PALLD: variants seen among roughly 807,000 people sequenced by gnomAD.
PALLD encodes palladin.
In PALLD, 61 loss-of-function variants were observed where a neutral mutation model predicts 123.5. The ratio of observed to expected loss-of-function variants is 0.49; its 90% confidence interval spans 0.40 to 0.61. The LOEUF is 0.61. PALLD is among the 20% of genes least tolerant of loss of function. PALLD has a pLI of 0.00. For synonymous variants in PALLD, 465 were observed against 496.4 expected (o/e 0.94, Z 0.84); for missense variants, 1,273 against 1,377.0 (o/e 0.92, Z 1.20).
chr4:168,614,381 G>A (rs76623633), intron 2 of PALLD, among the ~76,000 whole-genome samples: 3,148 of 152,294 alleles, frequency 0.021, 102 homozygotes, highest in African/African-American at 0.072. Flanking sequence ...TCAAGAGAGG[G>A]AGAGAGCAGC....
At chr4:168,711,493 G>A (rs965328428) in intron 9 of PALLD, 88 bp from the exon 10 acceptor site, 10 of 949,752 alleles carry the variant, frequency 1.1e-5, no homozygotes, top group Middle Eastern at 4.1e-4. Context: ...ACACAACACA[G>A]GGATTCTCAG....
intron 21 of PALLD, 47 bp from the exon 22 acceptor site, chr4:168,926,166 C>A (rs1317282302): frequency 2.8e-5 from 39 of 1,401,178 alleles, no homozygotes; most frequent in Non-Finnish European, 3.5e-5. Context: ...AAAGGCTTTC[C>A]AAGTATATCT....
intron 2 of PALLD, chr4:168,536,539 G>A (rs1986417): frequency 0.3 from 45,530 of 152,106 alleles, 7,904 homozygotes; most frequent in East Asian, 0.57. Context: ...GAGGTCTCAG[G>A]AAACTTACAA....
At chr4:168,751,402 G>T (rs1731049277) in intron 10 of PALLD, among the ~76,000 whole-genome samples, 1 of 152,110 alleles carries the variant, frequency 6.6e-6, no homozygotes, top group Non-Finnish European at 1.5e-5. Context: ...TTTAGGTATT[G>T]GGACACACTA....
intron 10 of PALLD, among the ~76,000 whole-genome samples, chr4:168,726,363 T>C (rs1280995063): frequency 6.6e-6 from 1 of 152,220 alleles, no homozygotes; most frequent in Non-Finnish European, 1.5e-5. Context: ...TTTTTCTTAT[T>C]TTGCATTACA....
At chr4:168,819,371 C>T (rs867165219) in intron 10 of PALLD, among the ~76,000 whole-genome samples, 5 of 150,002 alleles carry the variant, frequency 3.3e-5, no homozygotes, top group South Asian at 2.1e-4. Flanking sequence ...GTGATTCCTC[C>T]GGTATAGCTG....
intron 2 of PALLD, among the ~76,000 whole-genome samples, chr4:168,643,716 T>A (rs1321073099): frequency 1.3e-5 from 2 of 152,198 alleles, no homozygotes; most frequent in Non-Finnish European, 2.9e-5. Flanking sequence ...CTGGGAAATA[T>A]AAGCACAGTT....
At chr4:168,745,425 GGA>G (rs202159439) in intron 10 of PALLD, among the ~76,000 whole-genome samples, 1,631 of 102,420 alleles carry the variant, frequency 0.016, 61 homozygotes, top group African/African-American at 0.042. Flanking sequence ...CTGTGAGATG[GGA>G]GGGGGGGGCA....
intron 10 of PALLD, among the ~76,000 whole-genome samples, chr4:168,743,520 A>G (rs1037618322): frequency 2.6e-5 from 4 of 152,044 alleles, no homozygotes; most frequent in Non-Finnish European, 4.4e-5. Flanking sequence ...CCTTTTTTCA[A>G]AATTCCAACT....
intron 2 of PALLD, among the ~76,000 whole-genome samples, chr4:168,568,844 A>G (rs1186169260): frequency 1.3e-5 from 2 of 151,498 alleles, no homozygotes; most frequent in African/African-American, 4.8e-5. Flanking sequence ...AGTACCATGG[A>G]ATGCTTTAAA....
At chr4:168,908,700 C>G (rs1758318087) in intron 15 of PALLD, among the ~76,000 whole-genome samples, 1 of 152,020 alleles carries the variant, frequency 6.6e-6, no homozygotes, top group South Asian at 2.1e-4. Context: ...TTCTAGTACA[C>G]TGTAGCCCAG....
intron 2 of PALLD, among the ~76,000 whole-genome samples, chr4:168,645,362 C>T (rs1332763472): frequency 6.6e-6 from 1 of 152,178 alleles, no homozygotes; most frequent in African/African-American, 2.4e-5. Flanking sequence ...CCCCACCTCA[C>T]CACCCGTATT....
At chr4:168,533,948 T>C (rs78532338) in intron 2 of PALLD, among the ~76,000 whole-genome samples, 3,497 of 152,294 alleles carry the variant, frequency 0.023, 141 homozygotes, top group African/African-American at 0.08. Flanking sequence ...ACTGACAATG[T>C]CATTTCTTCT....
chr4:168,722,327 C>G (rs1488787920), intron 10 of PALLD, among the ~76,000 whole-genome samples: 2 of 152,298 alleles, frequency 1.3e-5, no homozygotes, highest in Middle Eastern at 3.4e-3. Context: ...GCCACCACAC[C>G]TGGCCAATTT....
rs536841222 is a variant in PALLD at position 168,774,503 on chromosome 4, G to A, written c.1964+62580G>A. Among the ~76,000 whole-genome samples the A allele has an allele frequency of 5.9e-5, 9 of 152,156 alleles. No individual in the cohort carries two copies. The South Asian group carries it at 1.5e-3, about 25-fold the overall frequency. On this transcript the variant is annotated intron_variant, in intron 10 of 21. Coordinates refer to ENST00000505667, the MANE Select transcript of PALLD (RefSeq NM_001166108.2). ...AGCACTTTGGGAGGCCAAGGCAGGC[G>A]GATCACTGGAGGTCAGGAGTTTGAG...
At chr4:168,549,665 A>T (rs1387624020) in intron 2 of PALLD, among the ~76,000 whole-genome samples, 2 of 152,134 alleles carry the variant, frequency 1.3e-5, no homozygotes, top group Non-Finnish European at 2.9e-5. Context: ...AATTTATTTT[A>T]ATATTCTGGT....
chr4:168,743,699 C>G (rs1456883870), intron 10 of PALLD, among the ~76,000 whole-genome samples: 1 of 152,070 alleles, frequency 6.6e-6, no homozygotes, highest in East Asian at 1.9e-4. Flanking sequence ...GGTCTTTTAA[C>G]TTGATGTCCT....
At chr4:168,735,244 C>T (rs1163185605) in intron 10 of PALLD, among the ~76,000 whole-genome samples, 1 of 152,172 alleles carries the variant, frequency 6.6e-6, no homozygotes, top group Admixed American at 6.5e-5. Context: ...GACTGCCTGT[C>T]CCCTGCCCTC....
intron 10 of PALLD, among the ~76,000 whole-genome samples, chr4:168,858,258 T>C (rs1748901490): frequency 6.6e-6 from 1 of 152,210 alleles, no homozygotes; most frequent in African/African-American, 2.4e-5. Context: ...AGTTAGTACA[T>C]CAGGGGTCAT....
Sources: allele counts gnomAD v4.1 joint callset (sites outside exome capture counted in the v4.1 genomes callset), GRCh38; gene constraint gnomAD v4.1.1; transcripts MANE v1.5; gene names NCBI Gene and HGNC (gene_info 2026-07-23, HGNC 2026-07-21).